GPRIN3: variants seen among roughly 807,000 people sequenced by gnomAD.
The protein encoded by GPRIN3 is G protein-regulated inducer of neurite outgrowth 3.
In GPRIN3, 12 loss-of-function variants were observed where a neutral mutation model predicts 13.7. The observed-to-expected ratio is 0.87, with a 90% CI of 0.56 to 1.42. The LOEUF (loss-of-function observed/expected upper bound fraction) is 1.42, where lower values mean the gene tolerates loss of function less well. GPRIN3 is among the 40% of genes most tolerant of loss of function. The pLI is 0.00. For synonymous variants in GPRIN3, 377 were observed against 372.7 expected (o/e 1.01, Z -0.13); for missense variants, 1,009 against 958.7 (o/e 1.05, Z -0.69).
At position 89,247,732 on chromosome 4, in the gene GPRIN3, C is replaced by T; in HGVS notation, c.*48G>A. The T allele has an allele frequency of 6.5e-7, 1 of 1,529,652 alleles. No individual in the cohort carries two copies. Among genetic ancestry groups the T allele is most frequent in the Non-Finnish European group, 8.9e-7 (1 of 1,129,688 alleles). The allele number at this position is 1,529,652 out of a possible 1,614,324, so 94.8% of individuals were successfully genotyped here. On this transcript the variant is annotated 3_prime_UTR_variant, in exon 2 of 2. Transcript: ENST00000609438. ...AAGCAAGCTTTGACATAGAGGGACG[C>T]ATGTGAATACCGTAAATTTATACAC...
chr4:89,250,023 C>G lies in GPRIN3; in HGVS notation c.88G>C (p.Ala30Pro). The change falls in exon 2 of 2, where the codon GCT becomes CCT. Residue 30 changes from alanine (A) to proline (P), a missense_variant. By Grantham distance (27) the Ala-to-Pro change is conservative (BLOSUM62 -1). Coordinates refer to ENST00000609438, the MANE Select transcript of GPRIN3 (RefSeq NM_198281.3). ...GCTGGTCGATGCCGAGGTGAGGCAG[C>G]CTGTGGCTCTCCTAGATCGTCTTCT... ...GKEDDLGEPQ[A>P]ASPRHRPALL... The G allele has an allele frequency of 6.2e-7, 1 of 1,614,200 alleles. No homozygotes were observed. The highest frequency in any genetic ancestry group is 8.5e-7 in the Non-Finnish European group (1 of 1,180,010).
Position 89,269,718 on chromosome 4 carries a change from A to G in GPRIN3, c.-123-19485T>C, listed in dbSNP as rs535336597. ...CTCAACTGTTGAAAAAACCATGAGG[A>G]TTGTGCAGTAGGAATTTCCATTTCA... On this transcript the variant is annotated intron_variant, in intron 1 of 1. Transcript: ENST00000609438. 1.4e-4 allele frequency among the ~76,000 whole-genome samples: 22 copies of G among 152,304 alleles called. No individual in the cohort carries two copies. In the South Asian group the frequency reaches 4.6e-3, roughly 32 times the overall value.
chr4:89,242,642 T>C lies in GPRIN3; in HGVS notation c.*5138A>G, dbSNP rs1489433949. On this transcript the variant is annotated 3_prime_UTR_variant, in exon 2 of 2. Coordinates refer to ENST00000609438, the MANE Select transcript of GPRIN3 (RefSeq NM_198281.3). ...GCTTATTTTATCCTGTGGGTTACAG[T>C]CAGTCTTCATAAAGCAAACCATCAT... is the stretch of plus-strand genomic sequence containing the variant. 5 of 152,186 alleles carry C rather than the reference T, an allele frequency of 3.3e-5. No individual in the cohort carries two copies. Among genetic ancestry groups the C allele is most frequent in the African/African-American group, 1.2e-4 (5 of 41,446 alleles). The allele number at this position is 152,186 out of a possible 1,614,324, so 9.4% of individuals were successfully genotyped here. A position where few individuals can be genotyped will look rare whatever the true frequency, so the allele number is the denominator to read the frequency against.
At chr4:89,254,771 T>C (rs1432688555) in intron 1 of GPRIN3, among the ~76,000 whole-genome samples, 1 of 152,204 alleles carries the variant, frequency 6.6e-6, no homozygotes, top group Non-Finnish European at 1.5e-5. Context: ...TGAATGGTAG[T>C]TCTGTTTTTA....
intron 1 of GPRIN3, among the ~76,000 whole-genome samples, chr4:89,263,392 C>T (rs993408586): frequency 2.6e-5 from 4 of 152,188 alleles, no homozygotes; most frequent in Admixed American, 2.6e-4. Context: ...TCCATCCAGC[C>T]TGTGCACTGG....
chr4:89,270,015 T>G (rs757249691), intron 1 of GPRIN3, among the ~76,000 whole-genome samples: 5 of 152,198 alleles, frequency 3.3e-5, no homozygotes, highest in Admixed American at 1.3e-4. Flanking sequence ...CTTGAGTATC[T>G]TTAATTCTCA....
chr4:89,247,681 T>C lies in GPRIN3; in HGVS notation c.*99A>G, dbSNP rs1358504761. On this transcript the variant is annotated 3_prime_UTR_variant, in exon 2 of 2. Coordinates refer to ENST00000609438, the MANE Select transcript of GPRIN3 (RefSeq NM_198281.3). Reference sequence around the variant, plus strand: ...TTTCCTATAGTGAATACTTGCTTTTTCTTCCTAGTCTTGCAGCAAAAAACT... The same window carrying C: ...TTTCCTATAGTGAATACTTGCTTTTCCTTCCTAGTCTTGCAGCAAAAAACT... 3 of 1,252,922 alleles carry C rather than the reference T, an allele frequency of 2.4e-6. No individual in the cohort carries two copies. The highest frequency in any genetic ancestry group is 3.3e-6 in the Non-Finnish European group (3 of 899,530). 77.6% of individuals were successfully genotyped at this position (1,252,922 alleles called of 1,614,324 possible).
chr4:89,265,316 T>G (rs1206436795), intron 1 of GPRIN3, among the ~76,000 whole-genome samples: 3 of 152,172 alleles, frequency 2.0e-5, no homozygotes, highest in Non-Finnish European at 4.4e-5. Context: ...AGTCATCTGC[T>G]ATGGAGACAG....
intron 1 of GPRIN3, among the ~76,000 whole-genome samples, chr4:89,267,923 C>T (rs1164690889): frequency 1.3e-5 from 2 of 152,110 alleles, no homozygotes; most frequent in Non-Finnish European, 2.9e-5. Flanking sequence ...TCATCAGAAA[C>T]ATTTATCATC....
chr4:89,267,166 A>G (rs1723802847), intron 1 of GPRIN3, among the ~76,000 whole-genome samples: 4 of 152,204 alleles, frequency 2.6e-5, no homozygotes, highest in Non-Finnish European at 5.9e-5. Flanking sequence ...TGGGAAAACA[A>G]GATTCCTACC....
chr4:89,253,770 C>T (rs1046950847), intron 1 of GPRIN3, among the ~76,000 whole-genome samples: 3 of 152,154 alleles, frequency 2.0e-5, no homozygotes, highest in Non-Finnish European at 4.4e-5. Context: ...TGGCTAAGAC[C>T]TAGCACTTGA....
At chr4:89,259,370 T>G in intron 1 of GPRIN3, among the ~76,000 whole-genome samples, 1 of 152,264 alleles carries the variant, frequency 6.6e-6, no homozygotes, top group East Asian at 1.9e-4. Context: ...TCTGAATATT[T>G]TCTTCTTTTG....
chr4:89,272,571 G>T (rs556447165), intron 1 of GPRIN3, among the ~76,000 whole-genome samples: 1 of 152,136 alleles, frequency 6.6e-6, no homozygotes, highest in East Asian at 1.9e-4. Context: ...TTTTCTGACG[G>T]TATGTTTCTA....
intron 1 of GPRIN3, among the ~76,000 whole-genome samples, chr4:89,267,309 T>C (rs1723806648): frequency 6.6e-6 from 1 of 152,232 alleles, no homozygotes; most frequent in Non-Finnish European, 1.5e-5. Context: ...CTTTTGAATC[T>C]TGTTTTATAT....
At chr4:89,301,624 A>ATTTGCTATTAGAAAT (rs1724899799) in intron 1 of GPRIN3, among the ~76,000 whole-genome samples, 1 of 152,236 alleles carries the variant, frequency 6.6e-6, no homozygotes, top group Non-Finnish European at 1.5e-5. Context: ...GAAATCAATA[A>ATTTGCTATTAGAAAT]CAACTGATTT....
intron 1 of GPRIN3, among the ~76,000 whole-genome samples, chr4:89,271,883 A>G (rs1320342370): frequency 6.6e-6 from 1 of 152,126 alleles, no homozygotes; most frequent in African/African-American, 2.4e-5. Context: ...ACCCAATGTG[A>G]TGATTATTTG....
At chr4:89,297,601 G>A (rs894542586) in intron 1 of GPRIN3, among the ~76,000 whole-genome samples, 1 of 152,156 alleles carries the variant, frequency 6.6e-6, no homozygotes, top group African/African-American at 2.4e-5. Flanking sequence ...CAAATACACA[G>A]AGATGGAATC....
Position 89,248,425 on chromosome 4 carries a change from T to C in GPRIN3, c.1686A>G (p.Leu562=), listed in dbSNP as rs143547876. Residue 562 remains leucine, a synonymous_variant, in exon 2 of 2, where the codon CTA becomes CTG. Transcript: ENST00000609438. ...TTTCTTGGGATTTAGGATTGAGCAG[T>C]AGGGTTTTGGCATCCGAGGTATCAG... ...TGTDTSDAKT[L]LLNPKSQESG... The C allele has an allele frequency of 2.1e-4, 342 of 1,614,014 alleles. No homozygotes were observed. Among genetic ancestry groups the C allele is most frequent in the Non-Finnish European group, 2.6e-4 (305 of 1,180,012 alleles).
intron 1 of GPRIN3, among the ~76,000 whole-genome samples, chr4:89,283,881 G>A (rs1169130195): frequency 3.3e-5 from 5 of 152,190 alleles, no homozygotes; most frequent in Non-Finnish European, 7.3e-5. Context: ...GGGCTAAAGG[G>A]TGTGACAAAG....
Sources: allele counts gnomAD v4.1 joint callset (sites outside exome capture counted in the v4.1 genomes callset), GRCh38; gene constraint gnomAD v4.1.1; transcripts MANE v1.5; gene names NCBI Gene and HGNC (gene_info 2026-07-23, HGNC 2026-07-21).